CLIP1: variants seen among roughly 807,000 people sequenced by gnomAD.
CLIP1 encodes CAP-Gly domain-containing linker protein 1.
In CLIP1, 66 loss-of-function variants were observed where a neutral mutation model predicts 161.6. The ratio of observed to expected loss-of-function variants is 0.41; its 90% CI spans 0.33 to 0.50. The LOEUF (loss-of-function observed/expected upper bound fraction) is 0.50. CLIP1 is among the 20% of genes least tolerant of loss of function. CLIP1 has a pLI of 0.27. For missense variants in CLIP1, 1,376 were observed against 1,702.0 expected (o/e 0.81, Z 3.37); for synonymous variants, 598 against 626.2 (o/e 0.96, Z 0.67).
At chr12:122,334,827 T>G in intron 12 of CLIP1, 122 bp from the exon 13 acceptor site, 1 of 673,602 alleles carries the variant, frequency 1.5e-6, no homozygotes, top group Non-Finnish European at 2.6e-6. Flanking sequence ...TTATTAAAAC[T>G]AATACACCTC....
chr12:122,287,593 T>C (rs904675476), intron 21 of CLIP1, among the ~76,000 whole-genome samples: 4 of 152,292 alleles, frequency 2.6e-5, no homozygotes, highest in Middle Eastern at 6.8e-3. Flanking sequence ...AGACATTCTC[T>C]AAACAAAAAC....
chr12:122,417,703 G>A (rs993375297), intron 1 of CLIP1, among the ~76,000 whole-genome samples: 51 of 151,766 alleles, frequency 3.4e-4, no homozygotes, highest in African/African-American at 1.1e-3. Flanking sequence ...TAGTAGAGAC[G>A]GGGTTTCACT....
At chr12:122,321,409 C>A (rs186251168) in intron 17 of CLIP1, among the ~76,000 whole-genome samples, 1 of 151,910 alleles carries the variant, frequency 6.6e-6, no homozygotes, top group Non-Finnish European at 1.5e-5. Context: ...CCACGCCTGG[C>A]GAATTTTTGT....
At chr12:122,306,863 T>C (rs1950891066) in intron 20 of CLIP1, among the ~76,000 whole-genome samples, 1 of 152,122 alleles carries the variant, frequency 6.6e-6, no homozygotes, top group Non-Finnish European at 1.5e-5. Context: ...TTTTAAAATC[T>C]TGAACAATAA....
At chr12:122,314,933 T>C (rs548020099) in intron 19 of CLIP1, among the ~76,000 whole-genome samples, 19 of 152,186 alleles carry the variant, frequency 1.2e-4, no homozygotes, top group East Asian at 3.8e-4. Flanking sequence ...ATAATCACAA[T>C]TGTAAATTTA....
intron 7 of CLIP1, among the ~76,000 whole-genome samples, chr12:122,353,140 T>C (rs532218521): frequency 2.0e-5 from 3 of 152,244 alleles, no homozygotes; most frequent in African/African-American, 7.2e-5. Flanking sequence ...AGCCAGGAGT[T>C]TAAGAGCGGC....
chr12:122,333,174 G>A (rs770055822), intron 14 of CLIP1, 31 bp from the exon 15 acceptor site: 16 of 1,552,300 alleles, frequency 1.0e-5, no homozygotes, highest in South Asian at 9.2e-5. Context: ...AGAATAGCAC[G>A]GCTGTGTTAT....
chr12:122,370,431 A>G (rs573862249), intron 3 of CLIP1, among the ~76,000 whole-genome samples: 94 of 152,312 alleles, frequency 6.2e-4, no homozygotes, highest in African/African-American at 2.3e-3. Context: ...GACGCTCAGG[A>G]TATTTTCTGA....
At chr12:122,314,586 C>T (rs1031461722) in intron 19 of CLIP1, among the ~76,000 whole-genome samples, 1 of 152,206 alleles carries the variant, frequency 6.6e-6, no homozygotes, top group African/African-American at 2.4e-5. Context: ...GCCCCTCCAT[C>T]ACCTAGTAGG....
intron 10 of CLIP1, chr12:122,342,960 C>CA (rs1952573658): frequency 6.6e-6 from 1 of 151,260 alleles, no homozygotes; most frequent in East Asian, 1.9e-4. Context: ...TTGTGACTTA[C>CA]AAAAAAGTAA....
intron 20 of CLIP1, among the ~76,000 whole-genome samples, chr12:122,300,230 A>G (rs1950629425): frequency 6.6e-6 from 1 of 152,180 alleles, no homozygotes; most frequent in Non-Finnish European, 1.5e-5. Flanking sequence ...TGATTATGTC[A>G]CTGTACTCCA....
rs1044718696 is a variant in CLIP1 at position 122,311,223 on chromosome 12, T to C, written c.3474-1341A>G. 3.3e-5 allele frequency among the ~76,000 whole-genome samples: 5 copies of C among 151,980 alleles called. No individual in the cohort carries two copies. The highest frequency in any genetic ancestry group is 5.9e-5 in the Non-Finnish European group (4 of 68,004). On this transcript the variant is annotated intron_variant, in intron 19 of 25. Coordinates refer to ENST00000620786, the MANE Select transcript of CLIP1 (RefSeq NM_001247997.2). This position sits in a 1 kb window ranked among gnomAD's most constrained non-coding sequence, Gnocchi z 4.3. ...TGGTAAAATTACCATAAGCTAAACA[T>C]ATTTCCCAGGTGGTCACTGCCTTCA...
At chr12:122,337,456 A>AAG (rs1276090516) in intron 11 of CLIP1, among the ~76,000 whole-genome samples, 3 of 61,506 alleles carry the variant, frequency 4.9e-5, no homozygotes, top group African/African-American at 2.4e-4. Flanking sequence ...AAAAAAAAAA[A>AAG]AAAAAGAAAG....
chr12:122,360,031 G>A (rs916699800), intron 5 of CLIP1, among the ~76,000 whole-genome samples: 2 of 152,068 alleles, frequency 1.3e-5, no homozygotes, highest in East Asian at 1.9e-4. Flanking sequence ...TATTTTTACT[G>A]CTCTAAACAG....
chr12:122,387,940 A>C (rs1955398465), intron 1 of CLIP1, among the ~76,000 whole-genome samples: 1 of 152,072 alleles, frequency 6.6e-6, no homozygotes, highest in Non-Finnish European at 1.5e-5. Context: ...TTTAATTTCT[A>C]ATATGGTAAA....
rs747249970 is a variant in CLIP1 at position 122,333,043 on chromosome 12, T to C, written c.2811A>G (p.Ser937=). 3 of 1,613,776 alleles carry C rather than the reference T, an allele frequency of 1.9e-6. No homozygotes were observed. The highest frequency in any genetic ancestry group is 1.3e-5 in the African/African-American group (1 of 74,938). ...TTGTCAGCTGAGAAGAGTTATCTCC[T>C]GACATCTTCATTATTTCTGCAATGT... The part of the protein sequence containing the change: ...ENDIAEIMKM[S]GDNSSQLTKM... The change falls in exon 15 of 26, where the codon TCA becomes TCG. Residue 937 remains serine (S), a synonymous_variant. Transcript: ENST00000620786.
At chr12:122,351,979 C>T (rs1357188227) in intron 8 of CLIP1, among the ~76,000 whole-genome samples, 2 of 151,408 alleles carry the variant, frequency 1.3e-5, no homozygotes, top group Non-Finnish European at 2.9e-5. Context: ...CAACATATTC[C>T]TTTTATAGGG....
chr12:122,274,007 A>G (rs1955288344), intron 25 of CLIP1, 31 bp downstream of exon 25: 3 of 1,608,570 alleles, frequency 1.9e-6, no homozygotes, highest in East Asian at 4.5e-5. Context: ...TGCTGGGATT[A>G]TAGCAATCAG....
intron 20 of CLIP1, among the ~76,000 whole-genome samples, chr12:122,300,007 C>G (rs141188866): frequency 6.6e-6 from 1 of 152,192 alleles, no homozygotes; most frequent in Admixed American, 6.5e-5. Flanking sequence ...CCTGTAATCC[C>G]AGCACTTTGG....
Sources: gnomAD v4.1 joint callset for allele counts (sites outside exome capture counted in the v4.1 genomes callset) on GRCh38, gnomAD v4.1.1 for gene constraint, Gnocchi (gnomAD v3.1) non-coding constraint, MANE v1.5 for transcripts, NCBI Gene and HGNC (gene_info 2026-07-23, HGNC 2026-07-21) for gene names.